The following SWT1 variants were observed in gnomAD, a reference collection of about 807,000 sequenced individuals.
SWT1 encodes the protein SWT1 RNA endoribonuclease homolog.
SWT1 carries 33 observed loss-of-function variants against 107.3 expected under a neutral mutation model. The ratio of observed to expected loss-of-function variants is 0.31; its 90% CI spans 0.23 to 0.41. The LOEUF (loss-of-function observed/expected upper bound fraction) is 0.41, where lower values mean the gene tolerates loss of function less well. Ranked by LOEUF, SWT1 falls within the 10% of genes least tolerant of loss-of-function variation. The probability of loss-of-function intolerance (pLI) is 1.00; values close to 1 mark genes in which losing one functional copy is unlikely to be tolerated. For synonymous variants in SWT1, 345 were observed against 348.3 expected (o/e 0.99, Z 0.11); for missense variants, 898 against 1,028.9 (o/e 0.87, Z 1.74).
At chr1:185,170,391 CTGTT>C (rs1280079178) in intron 4 of SWT1, among the ~76,000 whole-genome samples, 3 of 152,338 alleles carry the variant, frequency 2.0e-5, no homozygotes, top group Non-Finnish European at 2.9e-5. Flanking sequence ...AGGCACACCA[CTGTT>C]TGTACAATGA....
At chr1:185,213,955 A>G (rs1005711921) in intron 13 of SWT1, among the ~76,000 whole-genome samples, 1 of 152,176 alleles carries the variant, frequency 6.6e-6, no homozygotes, top group Non-Finnish European at 1.5e-5. Flanking sequence ...ACTGTTGCCC[A>G]AACTTTTTTT....
chr1:185,264,559 A>T (rs1484203304), intron 16 of SWT1: 1 of 552,532 alleles, frequency 1.8e-6, no homozygotes, highest in Non-Finnish European at 2.3e-6. Flanking sequence ...TAACTCATTT[A>T]ATCATCTTAA....
chr1:185,283,605 C>A (rs1233491026), intron 18 of SWT1, among the ~76,000 whole-genome samples: 1 of 152,106 alleles, frequency 6.6e-6, no homozygotes, highest in Non-Finnish European at 1.5e-5. Context: ...TTTGTGACAT[C>A]AGCCTCAAAG....
chr1:185,183,157 T>C (rs1656168943), intron 7 of SWT1, among the ~76,000 whole-genome samples: 1 of 151,690 alleles, frequency 6.6e-6, no homozygotes, highest in African/African-American at 2.4e-5. Context: ...AAAAAAGTAA[T>C]GCTACCTTAC....
chr1:185,212,136 A>G (rs533312257), intron 13 of SWT1, among the ~76,000 whole-genome samples: 103 of 152,142 alleles, frequency 6.8e-4, no homozygotes, highest in Non-Finnish European at 1.2e-3. Flanking sequence ...CAGCACACCA[A>G]CATGGCACAT....
rs757547000 is a variant in SWT1 at position 185,204,753 on chromosome 1, T to C, written c.1723T>C (p.Ser575Pro). 1 of 1,602,482 alleles carries C rather than the reference T, an allele frequency of 6.2e-7. No individual in the cohort carries two copies. Among genetic ancestry groups the C allele is most frequent in the Admixed American group, 1.7e-5 (1 of 57,502 alleles). Residue 575 changes from serine to proline, a missense_variant, in exon 12 of 19, where the codon TCC (serine) becomes CCC (proline). By Grantham distance (74) the Ser-to-Pro change is moderately conservative. Coordinates refer to ENST00000367500, the MANE Select transcript of SWT1 (RefSeq NM_017673.7). ...GGAGGAATCTACAAATTCTGGACTG[T>C]CCATTCTGCTTGAGAGCATTGTATC... is the stretch of plus-strand genomic sequence containing the variant. ...YKEESTNSGL[S>P]ILLESIVSDL...
intron 10 of SWT1, among the ~76,000 whole-genome samples, chr1:185,193,994 A>G (rs1380819733): frequency 6.6e-6 from 1 of 152,220 alleles, no homozygotes; most frequent in Non-Finnish European, 1.5e-5. Context: ...AAGATTGTTT[A>G]TGCTTGTCTT....
intron 2 of SWT1, among the ~76,000 whole-genome samples, chr1:185,165,327 G>A (rs991480079): frequency 2.0e-5 from 3 of 152,130 alleles, no homozygotes; most frequent in African/African-American, 4.8e-5. Context: ...GAGACATGAA[G>A]TGAGCACATA....
At chr1:185,236,875 AC>A (rs767434890) in intron 16 of SWT1, among the ~76,000 whole-genome samples, 16 of 152,242 alleles carry the variant, frequency 1.1e-4, no homozygotes, top group Admixed American at 5.9e-4. Context: ...CAAGAAAAAA[AC>A]AACCCCATCA....
At chr1:185,271,194 A>G in intron 16 of SWT1, 129 bp from the exon 17 acceptor site, 1 of 565,176 alleles carries the variant, frequency 1.8e-6, no homozygotes, top group South Asian at 2.3e-5. Context: ...TAAAAATATT[A>G]TAAACCTGTA....
chr1:185,271,581 G>A (rs1406938274), intron 17 of SWT1, among the ~76,000 whole-genome samples, 192 bp downstream of exon 17: 2 of 151,976 alleles, frequency 1.3e-5, no homozygotes, highest in African/African-American at 4.8e-5. Flanking sequence ...GTATATTTAA[G>A]GTATATAGCA....
chr1:185,248,827 C>T (rs1178353899), intron 16 of SWT1, among the ~76,000 whole-genome samples: 1 of 149,286 alleles, frequency 6.7e-6, no homozygotes, highest in Admixed American at 6.6e-5. Context: ...TTATGCTAAA[C>T]CAATCAAAAG....
chr1:185,239,454 T>C (rs891707754), intron 16 of SWT1, among the ~76,000 whole-genome samples: 23 of 152,094 alleles, frequency 1.5e-4, no homozygotes, highest in African/African-American at 5.5e-4. Flanking sequence ...GTTGTCGGTA[T>C]GGTTATATAT....
At chr1:185,279,661 G>T (rs955937588) in intron 18 of SWT1, among the ~76,000 whole-genome samples, 2 of 150,826 alleles carry the variant, frequency 1.3e-5, no homozygotes. Context: ...TTTGTCTCTG[G>T]TGTGCTCCAC....
intron 16 of SWT1, among the ~76,000 whole-genome samples, chr1:185,240,604 T>G (rs191333142): frequency 8.9e-4 from 135 of 152,248 alleles, no homozygotes; most frequent in African/African-American, 2.7e-3. Context: ...GCATGGGCAT[T>G]TGTACTTGAT....
chr1:185,173,488 A>C (rs907839816), intron 4 of SWT1, among the ~76,000 whole-genome samples: 1 of 147,948 alleles, frequency 6.8e-6, no homozygotes, highest in Non-Finnish European at 1.5e-5. Context: ...TGAGCCCAGG[A>C]GTTCGACCAG....
intron 5 of SWT1, among the ~76,000 whole-genome samples, chr1:185,176,243 G>A (rs1655539865): frequency 8.5e-6 from 1 of 117,946 alleles, no homozygotes; most frequent in Non-Finnish European, 1.6e-5. Flanking sequence ...AGCTGATCAT[G>A]TAACTGCACT....
chr1:185,157,631 G>C (rs1324085625), intron 1 of SWT1: 1 of 152,202 alleles, frequency 6.6e-6, no homozygotes, highest in Non-Finnish European at 1.5e-5. Context: ...ATTAGGGTCT[G>C]TTCTTCATTT....
Position 185,286,746 on chromosome 1 carries a change from T to C in SWT1, c.2574-3928T>C, listed in dbSNP as rs565177347. The stretch of plus-strand genomic sequence containing the variant: ...TTCTTTAGGATCTACAAATAGAAAT[T>C]ATTCTGTTTCTTTGTTTCCAGTTTG... On this transcript the variant is annotated intron_variant, in intron 18 of 18. Coordinates refer to ENST00000367500, the MANE Select transcript of SWT1 (RefSeq NM_017673.7). 3.9e-5 allele frequency among the ~76,000 whole-genome samples: 6 copies of C among 152,306 alleles called. No homozygotes were observed. In the East Asian group the frequency reaches 9.7e-4, roughly 25 times the overall value.
Sources: gnomAD v4.1 joint callset for allele counts (sites outside exome capture counted in the v4.1 genomes callset) on GRCh38, gnomAD v4.1.1 for gene constraint, MANE v1.5 for transcripts, NCBI Gene and HGNC (gene_info 2026-07-23, HGNC 2026-07-21) for gene names.